The following MYBPC1 variants were observed in gnomAD, a reference collection of about 807,000 sequenced individuals.
The protein encoded by MYBPC1 is myosin-binding protein C, slow-type.
A neutral mutation model predicts 147.1 loss-of-function variants in MYBPC1; 52 were observed. That is an observed-to-expected ratio of 0.35 (90% CI 0.28 to 0.45). The LOEUF (loss-of-function observed/expected upper bound fraction) is 0.45. MYBPC1 is among the 20% of genes least tolerant of loss of function. The pLI, the probability that MYBPC1 is intolerant of heterozygous loss-of-function variation, is 1.00. For synonymous variants in MYBPC1, 477 were observed against 475.9 expected (o/e 1.00, Z -0.03); for missense variants, 1,228 against 1,440.3 (o/e 0.85, Z 2.39).
rs780538227 is a variant in MYBPC1, at chr12:101,678,188, A to C, written c.3196A>C (p.Ile1066Leu). ...TCAGCCTTTGGTTAACACCTATGCC[A>C]TAGCTGGTTACAATGCCACCCTAAA... ...FTQPLVNTYAIAGYNATLNCS... is the reference protein window; with the variant it reads ...FTQPLVNTYALAGYNATLNCS... The change falls in exon 28 of 32, where the codon ATA (isoleucine) becomes CTA (leucine). Residue 1066 changes from isoleucine (I) to leucine (L), a missense_variant. By Grantham distance (5) the Ile-to-Leu change is conservative. Around this residue, in one of 2 missense-constraint regions of MYBPC1, gnomAD observed 1,077 missense variants for 1,314.2 expected, o/e 0.82. Transcript: ENST00000361466. 30 of 1,614,066 alleles carry C rather than the reference A, an allele frequency of 1.9e-5. No individual in the cohort carries two copies. In the South Asian group the frequency reaches 3.2e-4, roughly 17 times the overall value.
At chr12:101,631,345 C>A (rs1182562469) in intron 6 of MYBPC1, among the ~76,000 whole-genome samples, 1 of 152,110 alleles carries the variant, frequency 6.6e-6, no homozygotes, top group Non-Finnish European at 1.5e-5. Context: ...CCACTGGTTT[C>A]CCTATTACTT....
the MYBPC1 span, among the ~76,000 whole-genome samples, chr12:101,693,737 C>CTAAATAAA: frequency 2.9e-3 from 294 of 101,922 alleles, 2 homozygotes; most frequent in African/African-American, 7.5e-3. Context: ...GAATCTGTCT[C>CTAAATAAA]TAAATAAATA....
rs1344245640 is a variant in MYBPC1 at position 101,685,585 on chromosome 12, G to C, written c.*23G>C. The C allele has an allele frequency of 1.3e-6, 2 of 1,527,078 alleles. No homozygotes were observed. Among genetic ancestry groups the C allele is most frequent in the South Asian group, 2.4e-5 (2 of 83,852 alleles). The allele number at this position is 1,527,078 out of a possible 1,614,324, so 94.6% of individuals were successfully genotyped here. On this transcript the variant is annotated 3_prime_UTR_variant, in exon 32 of 32. Coordinates refer to ENST00000361466, the MANE Select transcript of MYBPC1 (RefSeq NM_002465.4). ...TTTTCCTTTTGGTCCTCTCTAGGTG[G>C]GCTCTCCTTCTGCAGACTCCTCTTG... is the stretch of plus-strand genomic sequence containing the variant.
downstream of MYBPC1, among the ~76,000 whole-genome samples, chr12:101,687,438 G>A (rs1000712126): frequency 2.6e-5 from 4 of 152,186 alleles, no homozygotes; most frequent in African/African-American, 9.7e-5. Flanking sequence ...ATTCCATGGT[G>A]TATATGTGCC....
At chr12:101,597,584 A>T (rs1877849527) in intron 1 of MYBPC1, among the ~76,000 whole-genome samples, 1 of 152,194 alleles carries the variant, frequency 6.6e-6, no homozygotes, top group African/African-American at 2.4e-5. Flanking sequence ...GTAACTTTGG[A>T]TCTCGAAGAG....
chr12:101,675,694 G>T (rs1347348517), intron 26 of MYBPC1, among the ~76,000 whole-genome samples: 1 of 152,128 alleles, frequency 6.6e-6, no homozygotes, highest in Non-Finnish European at 1.5e-5. Context: ...CTATGTAATG[G>T]GGGCACAAAT....
intron 1 of MYBPC1, 35 bp downstream of exon 1, chr12:101,595,130 C>T (rs768304570): frequency 6.4e-7 from 1 of 1,567,588 alleles, no homozygotes; most frequent in South Asian, 1.1e-5. Context: ...TGTTGTACTC[C>T]TGAATAAAGT....
intron 30 of MYBPC1, among the ~76,000 whole-genome samples, chr12:101,683,304 C>T (rs1054642850): frequency 2.0e-5 from 3 of 151,988 alleles, no homozygotes; most frequent in Non-Finnish European, 2.9e-5. Context: ...GTGGCACATG[C>T]CTATAGTCCT....
At chr12:101,621,413 C>T (rs825095) in intron 3 of MYBPC1, among the ~76,000 whole-genome samples, 22,489 of 152,162 alleles carry the variant, frequency 0.15, 1,954 homozygotes, top group East Asian at 0.31. Flanking sequence ...TGTATCGTCT[C>T]ATTAAGAAAA....
At chr12:101,597,776 G>T (rs1043914566) in intron 1 of MYBPC1, among the ~76,000 whole-genome samples, 1 of 152,080 alleles carries the variant, frequency 6.6e-6, no homozygotes, top group African/African-American at 2.4e-5. Context: ...TATGTTATTT[G>T]TACTGTCTAT....
intron 10 of MYBPC1, among the ~76,000 whole-genome samples, chr12:101,637,374 G>A (rs1357832068): frequency 6.6e-6 from 1 of 151,874 alleles, no homozygotes; most frequent in Non-Finnish European, 1.5e-5. Context: ...ATTTCATTAT[G>A]GATACTTAGA....
chr12:101,640,199 A>G (rs998589391), intron 10 of MYBPC1, among the ~76,000 whole-genome samples: 1 of 152,048 alleles, frequency 6.6e-6, no homozygotes, highest in African/African-American at 2.4e-5. Context: ...TTTTGTAGAG[A>G]CGGGGTTTCA....
chr12:101,693,340 A>C, the MYBPC1 span, among the ~76,000 whole-genome samples: 6 of 152,260 alleles, frequency 3.9e-5, no homozygotes, highest in Non-Finnish European at 7.3e-5. Context: ...CATAGATTGC[A>C]TAAATAATAG....
In MYBPC1 at chr12:101,680,450, C is replaced by T. The variant is rs1173003480; in HGVS notation, c.3354C>T (p.Pro1118=). Residue 1118 remains proline, a synonymous_variant, in exon 29 of 32, where the codon CCC becomes CCT. Coordinates refer to ENST00000361466, the MANE Select transcript of MYBPC1 (RefSeq NM_002465.4). ...CCCTGGAAATTCGCAAGCCCAGCCC[C>T]TATGATGGAGGCACTTACTGCTGCA... ...VCTLEIRKPS[P]YDGGTYCCKA... 1.2e-6 allele frequency: 2 copies of T among 1,614,120 alleles called. No homozygotes were observed. Among genetic ancestry groups the T allele is most frequent in the East Asian group, 2.2e-5 (1 of 44,888 alleles).
At chr12:101,637,304 G>C (rs1435675746) in intron 10 of MYBPC1, among the ~76,000 whole-genome samples, 1 of 152,060 alleles carries the variant, frequency 6.6e-6, no homozygotes, top group African/African-American at 2.4e-5. Context: ...GGAAATAAAA[G>C]TTTAGTATCA....
In MYBPC1 at chr12:101,663,483, C is replaced by G. The variant is rs754106901; in HGVS notation, c.2279C>G (p.Thr760Arg). ...GACTCTGTCACTGACACGACTGTCA[C>G]GATGAGGTGGCGCCCCCCAGACCAC... ...TVDSVTDTTV[T>R]MRWRPPDHIG... The change falls in exon 22 of 32, where the codon ACG becomes AGG. Residue 760 changes from threonine to arginine, a missense_variant. Physicochemically the swap from Thr to Arg is moderately conservative, Grantham distance 71 (BLOSUM62 -1). This residue lies in a region of MYBPC1 where 1,077 missense variants were observed against 1,314.2 expected (regional missense o/e 0.82). Coordinates refer to ENST00000361466, the MANE Select transcript of MYBPC1 (RefSeq NM_002465.4). The G allele has an allele frequency of 6.2e-7, 1 of 1,614,072 alleles. No individual in the cohort carries two copies.
Position 101,670,179 on chromosome 12 carries a change from G to C in MYBPC1, c.2525-142G>C, listed in dbSNP as rs992459428. On this transcript the variant is annotated intron_variant, in intron 23 of 31. Coordinates refer to ENST00000361466, the MANE Select transcript of MYBPC1 (RefSeq NM_002465.4). ...CATTTTGAACCAGTTACTATATATC[G>C]TCTGTTAGTGGCACATCTCAGAGTT... 23 of 740,292 alleles carry C rather than the reference G, an allele frequency of 3.1e-5. No homozygotes were observed. In the Admixed American group the frequency reaches 4.1e-4, roughly 13 times the overall value. The allele number at this position is 740,292 out of a possible 1,614,324, so 45.9% of individuals were successfully genotyped here. A position where few individuals can be genotyped will look rare whatever the true frequency, so the allele number is the denominator to read the frequency against.
chr12:101,669,710 G>C (rs1898151959), intron 23 of MYBPC1, among the ~76,000 whole-genome samples: 1 of 152,146 alleles, frequency 6.6e-6, no homozygotes, highest in Admixed American at 6.6e-5. Flanking sequence ...ACTAAGGCAG[G>C]TGGATCACCT....
intron 24 of MYBPC1, among the ~76,000 whole-genome samples, chr12:101,670,705 T>C (rs1232601405): frequency 6.6e-6 from 1 of 152,130 alleles, no homozygotes; most frequent in Non-Finnish European, 1.5e-5. Context: ...AGATACCAAA[T>C]GAAGAAATGC....
Sources: gnomAD v4.1 joint callset for allele counts (sites outside exome capture counted in the v4.1 genomes callset) on GRCh38, gnomAD v4.1.1 for gene constraint, gnomAD v4.1.1 regional missense constraint, MANE v1.5 for transcripts, NCBI Gene and HGNC (gene_info 2026-07-23, HGNC 2026-07-21) for gene names.